LNX1: variants seen among roughly 807,000 people sequenced by gnomAD.
The protein encoded by LNX1 is E3 ubiquitin-protein ligase LNX.
Under a neutral mutation model 68.4 loss-of-function variants are expected in LNX1, and 54 were observed. The observed-to-expected ratio is 0.79, with a 90% CI of 0.63 to 0.99. The LOEUF (loss-of-function observed/expected upper bound fraction) is 0.99, where lower values mean the gene tolerates loss of function less well. Among genes scored for constraint, LNX1 ranks in the 50% least tolerant of loss-of-function variants. The pLI, the probability that LNX1 is intolerant of heterozygous loss-of-function variation, is 0.00. For missense variants in LNX1, 906 were observed against 926.4 expected, an observed-to-expected ratio of 0.98 and a Z score of 0.29; for synonymous variants, 336 against 350.0, an observed-to-expected ratio of 0.96 and a Z score of 0.45.
chr4:53,643,681 T>C (rs992159804), intron 1 of LNX1, among the ~76,000 whole-genome samples: 2 of 152,148 alleles, frequency 1.3e-5, no homozygotes, highest in African/African-American at 4.8e-5. Context: ...AGCTTTGGAG[T>C]GTAACAGACC....
chr4:53,550,447 A>G (rs1451646700), intron 2 of LNX1, among the ~76,000 whole-genome samples: 3 of 152,240 alleles, frequency 2.0e-5, no homozygotes, highest in Non-Finnish European at 4.4e-5. Context: ...GGGATCAGCA[A>G]CACTTTTTTT....
At chr4:53,517,129 G>A (rs1326719578) in intron 2 of LNX1, among the ~76,000 whole-genome samples, 1 of 152,178 alleles carries the variant, frequency 6.6e-6, no homozygotes, top group Non-Finnish European at 1.5e-5. Context: ...GGTGGGGGTG[G>A]TTGGGGGTGT....
intron 2 of LNX1, among the ~76,000 whole-genome samples, chr4:53,572,435 G>A (rs1731226591): frequency 6.6e-6 from 1 of 152,168 alleles, no homozygotes; most frequent in South Asian, 2.1e-4. Flanking sequence ...CATGTGCTAA[G>A]CATTACACCC....
At chr4:53,499,660 C>A (rs1345565676) in intron 4 of LNX1, among the ~76,000 whole-genome samples, 1 of 152,156 alleles carries the variant, frequency 6.6e-6, no homozygotes, top group African/African-American at 2.4e-5. Flanking sequence ...AAAAACAGAA[C>A]CAATTTGCCA....
At chr4:53,481,615 T>C in intron 7 of LNX1, 105 bp downstream of exon 7, 1 of 1,310,884 alleles carries the variant, frequency 7.6e-7, no homozygotes, top group Non-Finnish European at 1.0e-6. Context: ...AAAGTGTTTC[T>C]TTAAGTAAAA....
intron 2 of LNX1, among the ~76,000 whole-genome samples, chr4:53,509,844 C>T (rs1397230305): frequency 2.0e-5 from 3 of 152,162 alleles, no homozygotes; most frequent in Admixed American, 2.0e-4. Context: ...ACCATCCCAG[C>T]ACTGCAAACC....
intron 2 of LNX1, among the ~76,000 whole-genome samples, chr4:53,537,295 A>AAC (rs1431439595): frequency 6.6e-6 from 1 of 152,246 alleles, no homozygotes; most frequent in African/African-American, 2.4e-5. Context: ...AATGGTAAAC[A>AAC]ACACCCTTGA....
chr4:53,637,633 A>G (rs1395207956), intron 1 of LNX1, among the ~76,000 whole-genome samples: 1 of 152,204 alleles, frequency 6.6e-6, no homozygotes. Flanking sequence ...GCCAAAGGGT[A>G]GAATGTGCAA....
At chr4:53,631,096 G>A (rs1227652962) in intron 1 of LNX1, among the ~76,000 whole-genome samples, 1 of 152,180 alleles carries the variant, frequency 6.6e-6, no homozygotes, top group Non-Finnish European at 1.5e-5. Flanking sequence ...AGAAGTGTGT[G>A]TGAGGGATAG....
chr4:53,579,254 C>A, intron 1 of LNX1: 1 of 984,582 alleles, frequency 1.0e-6, no homozygotes, highest in Non-Finnish European at 1.2e-6. Context: ...TCCTTACGTA[C>A]GTGTATGATG....
intron 9 of LNX1, among the ~76,000 whole-genome samples, chr4:53,464,886 ATC>A (rs1348769008): frequency 6.6e-6 from 1 of 152,180 alleles, no homozygotes; most frequent in Admixed American, 6.5e-5. Flanking sequence ...AATTTAAATT[ATC>A]TCTCAGTGAC....
At chr4:53,525,339 G>T (rs1727535379) in intron 2 of LNX1, among the ~76,000 whole-genome samples, 1 of 152,190 alleles carries the variant, frequency 6.6e-6, no homozygotes, top group South Asian at 2.1e-4. Context: ...GAAGTTAGCT[G>T]AGTGTGGTGG....
chr4:53,587,341 A>C (rs765725534), intron 1 of LNX1, among the ~76,000 whole-genome samples: 10 of 152,156 alleles, frequency 6.6e-5, no homozygotes, highest in South Asian at 2.1e-4. Context: ...TGTCAACCCT[A>C]TTCTTTGGGG....
At chr4:53,604,959 G>C (rs1733168046) in intron 2 of LNX1, among the ~76,000 whole-genome samples, 2 of 152,214 alleles carry the variant, frequency 1.3e-5, no homozygotes, top group South Asian at 4.1e-4. Context: ...CGGGTGATTT[G>C]CAAAGTCACC....
At chr4:53,526,014 T>G (rs1459099657) in intron 2 of LNX1, among the ~76,000 whole-genome samples, 3 of 152,236 alleles carry the variant, frequency 2.0e-5, no homozygotes, top group Non-Finnish European at 4.4e-5. Context: ...ATAACTTGTT[T>G]ATTGACATTC....
chr4:53,487,399 G>A (rs1222673237), intron 6 of LNX1, among the ~76,000 whole-genome samples: 1 of 152,172 alleles, frequency 6.6e-6, no homozygotes, highest in African/African-American at 2.4e-5. Flanking sequence ...TGAGATATAG[G>A]TATATGCTTA....
At chr4:53,622,587 C>T (rs1733925543) in intron 1 of LNX1, among the ~76,000 whole-genome samples, 1 of 152,004 alleles carries the variant, frequency 6.6e-6, no homozygotes, top group South Asian at 2.1e-4. Flanking sequence ...GAAGTTTTTC[C>T]AAATTGGTAT....
At chr4:53,469,760 C>G (rs959420953) in intron 9 of LNX1, among the ~76,000 whole-genome samples, 9 of 152,136 alleles carry the variant, frequency 5.9e-5, no homozygotes, top group African/African-American at 1.4e-4. Flanking sequence ...ATAAATTCCT[C>G]GACACATACA....
intron 1 of LNX1, among the ~76,000 whole-genome samples, chr4:53,583,798 C>T (rs913182523): frequency 1.1e-4 from 17 of 152,136 alleles, no homozygotes; most frequent in African/African-American, 4.1e-4. Context: ...AAGAGTGTTC[C>T]TTCTCTTGAC....
Sources: allele counts gnomAD v4.1 joint callset (sites outside exome capture counted in the v4.1 genomes callset), GRCh38; gene constraint gnomAD v4.1.1; transcripts MANE v1.5; gene names NCBI Gene and HGNC (gene_info 2026-07-23, HGNC 2026-07-21).